Variants in PLEKHM2 observed in about 807,000 individuals in gnomAD.
PLEKHM2 encodes the protein pleckstrin homology domain-containing family M member 2.
PLEKHM2 carries 77 observed loss-of-function variants against 116.3 expected under a neutral mutation model. The observed-to-expected ratio is 0.66, with a 90% CI of 0.55 to 0.80. PLEKHM2 has a LOEUF of 0.80. PLEKHM2 is among the 30% of genes least tolerant of loss of function. The pLI, the probability that PLEKHM2 is intolerant of heterozygous loss-of-function variation, is 0.00. For synonymous variants in PLEKHM2, 562 were observed against 571.0 expected (o/e 0.98, Z 0.22); for missense variants, 1,183 against 1,354.9 (o/e 0.87, Z 1.99).
chr1:15,732,397 G>T lies in PLEKHM2; in HGVS notation c.2673G>T (p.Leu891=), dbSNP rs1256547283. Residue 891 remains leucine, a synonymous_variant, in exon 18 of 20, where the codon CTG becomes CTT. Transcript: ENST00000375799. ...VAPSPCIPCC[L]VLTDDRLFTC... is the part of the protein sequence containing the mutation. ...CCAGCCCCTGCATACCCTGCTGCCT[G>T]GTCCTCACGGATGACCGCCTCTTTA... 9 of 1,565,494 alleles carry T rather than the reference G, an allele frequency of 5.7e-6. No individual in the cohort carries two copies. The highest frequency in any genetic ancestry group is 7.8e-6 in the Non-Finnish European group (9 of 1,155,164).
chr1:15,687,187 G>A (rs914744445), intron 1 of PLEKHM2, among the ~76,000 whole-genome samples: 5 of 151,868 alleles, frequency 3.3e-5, no homozygotes, highest in African/African-American at 9.7e-5. Flanking sequence ...TTTTTTTTGA[G>A]ATGGAGTCTT....
intron 8 of PLEKHM2, among the ~76,000 whole-genome samples, chr1:15,726,246 G>C (rs943489225): frequency 6.6e-6 from 1 of 152,204 alleles, no homozygotes; most frequent in Non-Finnish European, 1.5e-5. Context: ...AAGTATCTTT[G>C]TCATATGGGC....
chr1:15,701,134 G>T (rs1203284115), intron 1 of PLEKHM2, among the ~76,000 whole-genome samples: 1 of 120,064 alleles, frequency 8.3e-6, no homozygotes, highest in African/African-American at 3.6e-5. Context: ...AAAAAAGGGG[G>T]TGGGGGTATG....
Position 15,732,010 on chromosome 1 carries a change from G to A in PLEKHM2, c.2587G>A (p.Glu863Lys), listed in dbSNP as rs1412158115. 5.6e-6 allele frequency: 9 copies of A among 1,612,378 alleles called. No individual in the cohort carries two copies. The highest frequency in any genetic ancestry group is 3.3e-5 in the South Asian group (3 of 91,066). The change falls in exon 17 of 20, where the codon GAG (glutamate) becomes AAG (lysine). Residue 863 changes from glutamate (E) to lysine (K), a missense_variant. Glu to Lys is a moderately conservative substitution (Grantham distance 56). Transcript: ENST00000375799. ...TGCCGAGAGCGAGGCCGAGATGGCC[G>A]AGTGGATGCAGCATCTCTGCCAGGC... Reference protein sequence around the residue: ...LSAESEAEMAEWMQHLCQAVS... With the variant: ...LSAESEAEMAKWMQHLCQAVS...
At position 15,728,368 on chromosome 1, in the gene PLEKHM2, C is replaced by T. The variant is rs1036186027; in HGVS notation, c.1921+11C>T. 1 of 1,606,372 alleles carries T rather than the reference C, an allele frequency of 6.2e-7. No individual in the cohort carries two copies. Among genetic ancestry groups the T allele is most frequent in the Non-Finnish European group, 8.5e-7 (1 of 1,174,884 alleles). On this transcript the variant is annotated intron_variant, in intron 11 of 19. Coordinates refer to ENST00000375799, the MANE Select transcript of PLEKHM2 (RefSeq NM_015164.4). This position sits in a 1 kb window ranked among gnomAD's most constrained non-coding sequence, Gnocchi z 5.9. ...ACCTGCTCCGGAAAGGTGCCCGCCGCCCCCGGGCAGACAGCGGGTTGTAGA... is the reference window on the plus strand; with the variant it reads ...ACCTGCTCCGGAAAGGTGCCCGCCGTCCCCGGGCAGACAGCGGGTTGTAGA...
intron 1 of PLEKHM2, among the ~76,000 whole-genome samples, chr1:15,710,296 G>A (rs1641306394): frequency 6.6e-6 from 1 of 151,390 alleles, no homozygotes; most frequent in African/African-American, 2.4e-5. Flanking sequence ...TTAAAATAAT[G>A]TACTAGAACA....
At chr1:15,693,101 C>A (rs1042582793) in intron 1 of PLEKHM2, among the ~76,000 whole-genome samples, 2 of 149,410 alleles carry the variant, frequency 1.3e-5, no homozygotes, top group Non-Finnish European at 3.0e-5. Flanking sequence ...AGGGCAGTGG[C>A]GCAATCTCGG....
chr1:15,706,392 A>ATTTG (rs59901434), intron 1 of PLEKHM2, among the ~76,000 whole-genome samples: 26,473 of 151,462 alleles, frequency 0.17, 4,503 homozygotes, highest in African/African-American at 0.45. Context: ...TTGGCTCCTT[A>ATTTG]TTTGTTTGTT....
chr1:15,719,642 C>T lies in PLEKHM2; in HGVS notation c.466-92C>T. On this transcript the variant is annotated intron_variant, in intron 5 of 19. Transcript: ENST00000375799. This position sits in a 1 kb window ranked among gnomAD's most constrained non-coding sequence, Gnocchi z 4.1. ...AAGCCATTGATTTCCCAAAGAGGCACATCTGTGTCTCCCAGGCCTGGATCC... is the reference window on the plus strand; with the variant it reads ...AAGCCATTGATTTCCCAAAGAGGCATATCTGTGTCTCCCAGGCCTGGATCC... 1.3e-6 allele frequency: 1 copy of T among 793,258 alleles called. No individual in the cohort carries two copies. The highest frequency in any genetic ancestry group is 1.7e-5 in the African/African-American group (1 of 58,174). The allele number at this position is 793,258 out of a possible 1,614,324, so 49.1% of individuals were successfully genotyped here.
Position 15,716,748 on chromosome 1 carries a change from A to T in PLEKHM2, c.209A>T (p.His70Leu). Residue 70 changes from histidine (H) to leucine (L), a missense_variant, in exon 3 of 20, where the codon CAT (histidine) becomes CTT (leucine). His to Leu is a moderately conservative substitution (Grantham distance 99, BLOSUM62 -3). Transcript: ENST00000375799. The stretch of plus-strand genomic sequence containing the variant: ...TCTGGCTACTGGGTGCTCGTGGTGC[A>T]TTTTACTCGGAGAGAGGCCATCAAG... ...LSSGYWVLVVHFTRREAIKQI... is the reference protein window; with the variant it reads ...LSSGYWVLVVLFTRREAIKQI... The T allele has an allele frequency of 6.3e-7, 1 of 1,579,806 alleles. No homozygotes were observed. Among genetic ancestry groups the T allele is most frequent in the East Asian group, 2.3e-5 (1 of 43,100 alleles).
chr1:15,725,070 G>C (rs1300144375), intron 7 of PLEKHM2, among the ~76,000 whole-genome samples: 3 of 152,186 alleles, frequency 2.0e-5, no homozygotes, highest in Admixed American at 1.3e-4. Flanking sequence ...CACAAACTCA[G>C]CCAAATTGTT....
At chr1:15,693,686 C>G (rs1274988066) in intron 1 of PLEKHM2, among the ~76,000 whole-genome samples, 2 of 152,214 alleles carry the variant, frequency 1.3e-5, no homozygotes, top group Non-Finnish European at 2.9e-5. Flanking sequence ...CAGAACTCAT[C>G]CAGCTGGAGC....
At chr1:15,696,438 T>C (rs7530430) in intron 1 of PLEKHM2, among the ~76,000 whole-genome samples, 24,393 of 151,998 alleles carry the variant, frequency 0.16, 3,657 homozygotes, top group African/African-American at 0.4. Context: ...GCAACCTCCG[T>C]CTCCTGGGTT....
chr1:15,683,116 GT>G, upstream of PLEKHM2: 1 of 152,678 alleles, frequency 6.5e-6, no homozygotes, highest in South Asian at 2.1e-4. Flanking sequence ...AGGAGGGTGT[GT>G]TTTGGGGGTG....
At chr1:15,726,979 A>C in intron 8 of PLEKHM2, 35 bp from the exon 9 acceptor site, 1 of 1,385,870 alleles carries the variant, frequency 7.2e-7, no homozygotes, top group Non-Finnish European at 9.6e-7. Context: ...TGGACTACTC[A>C]GGGGTTAACA....
chr1:15,727,017 C>A lies in PLEKHM2; in HGVS notation c.945C>A (p.Val315=). The change falls in exon 9 of 20, where the codon GTC becomes GTA. Residue 315 remains valine (V), a synonymous_variant. Transcript: ENST00000375799. This position sits in a 1 kb window ranked among gnomAD's most constrained non-coding sequence, Gnocchi z 7.5. ...DACTELEVIR[V]TKKKKIGKKK... The stretch of plus-strand genomic sequence containing the variant: ...CTCCCCGTCGTTACTGTCCCAGGGT[C>A]ACCAAGAAGAAGAAAATTGGCAAGA... 2 of 1,470,458 alleles carry A rather than the reference C, an allele frequency of 1.4e-6. No homozygotes were observed. Among genetic ancestry groups the A allele is most frequent in the South Asian group, 2.9e-5 (2 of 68,992 alleles). 91.1% of individuals were successfully genotyped at this position (1,470,458 alleles called of 1,614,324 possible).
chr1:15,697,431 A>G (rs1641020493), intron 1 of PLEKHM2, among the ~76,000 whole-genome samples: 1 of 152,220 alleles, frequency 6.6e-6, no homozygotes, highest in South Asian at 2.1e-4. Flanking sequence ...TCTCAGCCAG[A>G]GTAATCATAG....
Position 15,730,519 on chromosome 1 carries a change from GC to G in PLEKHM2, c.2209-8del. The stretch of plus-strand genomic sequence containing the variant: ...CTTACTTGCTTTGTCCCCCGTGCCC[GC>G]CCCCGCATCAGGCATCTGCTGTCAC... On this transcript the variant is annotated splice_polypyrimidine_tract_variant and intron_variant, in intron 14 of 19. Transcript: ENST00000375799. 1.3e-6 allele frequency: 2 copies of G among 1,540,126 alleles called. No individual in the cohort carries two copies. Among genetic ancestry groups the G allele is most frequent in the Non-Finnish European group, 8.8e-7 (1 of 1,141,660 alleles).
intron 1 of PLEKHM2, among the ~76,000 whole-genome samples, chr1:15,711,453 T>TA (rs1255082404): frequency 6.6e-6 from 1 of 151,510 alleles, no homozygotes; most frequent in Non-Finnish European, 1.5e-5. Context: ...CCATCTCTAC[T>TA]AAAAAATACA....
Sources: allele counts gnomAD v4.1 joint callset (sites outside exome capture counted in the v4.1 genomes callset), GRCh38; gene constraint gnomAD v4.1.1; non-coding constraint Gnocchi (gnomAD v3.1); transcripts MANE v1.5; gene names NCBI Gene and HGNC (gene_info 2026-07-23, HGNC 2026-07-21).